Variants in SYTL2 observed in about 807,000 individuals in gnomAD.
SYTL2 encodes synaptotagmin-like protein 2.
In SYTL2, 165 loss-of-function variants were observed where a neutral mutation model predicts 198.7. That is an observed-to-expected ratio of 0.83 (90% CI 0.73 to 0.94). The LOEUF (loss-of-function observed/expected upper bound fraction) is 0.94. Ranked by LOEUF, SYTL2 falls within the 40% of genes least tolerant of loss-of-function variation. SYTL2 has a pLI of 0.00. For missense variants in SYTL2, 2,835 were observed against 2,582.8 expected (o/e 1.10, Z -2.12); for synonymous variants, 966 against 917.7 (o/e 1.05, Z -0.95).
At position 85,755,397 on chromosome 11, in the gene SYTL2, G is replaced by T. The variant is rs144093992; in HGVS notation, c.101+2228C>A. On this transcript the variant is annotated intron_variant, in intron 2 of 19. Transcript: ENST00000359152. Reference sequence around the variant, plus strand: ...TCTTGGGAAAATGATGGTAGGTAGGGCTTGACTCACACCAGGCTTTTCACC... The same window carrying T: ...TCTTGGGAAAATGATGGTAGGTAGGTCTTGACTCACACCAGGCTTTTCACC... Among the ~76,000 whole-genome samples, 667 of 152,272 alleles carry T rather than the reference G, an allele frequency of 4.4e-3. 4 individuals carry two copies. The highest frequency in any genetic ancestry group is 0.014 in the African/African-American group (561 of 41,536).
chr11:85,715,611 C>T (rs2087081706), intron 11 of SYTL2, among the ~76,000 whole-genome samples: 1 of 152,136 alleles, frequency 6.6e-6, no homozygotes. Flanking sequence ...AATTTAGCTA[C>T]ACGTACTAAA....
chr11:85,721,744 C>T (rs996415020), intron 8 of SYTL2, among the ~76,000 whole-genome samples: 2 of 152,244 alleles, frequency 1.3e-5, no homozygotes. Context: ...ACAATAATTT[C>T]CTGAAATACA....
At position 85,725,548 on chromosome 11, in the gene SYTL2, A is replaced by ATG; in HGVS notation, c.3809_3810insCA (p.Pro1271IlefsTer3). 6.2e-7 allele frequency: 1 copy of ATG among 1,614,070 alleles called. No homozygotes were observed. The highest frequency in any genetic ancestry group is 8.5e-7 in the Non-Finnish European group (1 of 1,179,988). The stretch of plus-strand genomic sequence containing the variant: ...TTCCAAAAGTTTCATCTCTCACTGG[A>ATG]AAAGGAGCTAGTATTTCTCTCTTAT... On this transcript the variant is annotated frameshift_variant, in exon 8 of 20. Transcript: ENST00000359152. LOFTEE classifies it high-confidence loss of function.
At chr11:85,733,906 G>A in intron 7 of SYTL2, 33 bp downstream of exon 7, 1 of 1,596,294 alleles carries the variant, frequency 6.3e-7, no homozygotes, top group South Asian at 1.1e-5. Flanking sequence ...GCCCCACCAA[G>A]TTTTTATAAT....
At chr11:85,794,178 ATT>A (rs933533140) in intron 1 of SYTL2, among the ~76,000 whole-genome samples, 1 of 150,768 alleles carries the variant, frequency 6.6e-6, no homozygotes, top group Non-Finnish European at 1.5e-5. Context: ...CCAGATTTAA[ATT>A]TTTTTTTCTT....
chr11:85,717,429 T>TTAA, intron 11 of SYTL2, 54 bp downstream of exon 11: 1 of 1,456,448 alleles, frequency 6.9e-7, no homozygotes. Context: ...TTCAGTATAT[T>TTAA]TAATATGTAA....
At chr11:85,712,824 C>A (rs967653080) in intron 12 of SYTL2, among the ~76,000 whole-genome samples, 2 of 152,132 alleles carry the variant, frequency 1.3e-5, no homozygotes, top group East Asian at 3.9e-4. Flanking sequence ...TCAAGCAATT[C>A]CCCTGCCTTA....
In SYTL2 at chr11:85,757,851, C is replaced by G; in HGVS notation, c.-126G>C. On this transcript the variant is annotated 5_prime_UTR_variant, in exon 2 of 20. Transcript: ENST00000359152. ...TGAAATATCTTGTTCAGTTCTGCAT[C>G]AAAGTCTTATTTTGGCTCAGCAAAA... 7.0e-7 allele frequency: 1 copy of G among 1,422,356 alleles called. No homozygotes were observed. Among genetic ancestry groups the G allele is most frequent in the Non-Finnish European group, 9.5e-7 (1 of 1,053,108 alleles). 88.1% of individuals were successfully genotyped at this position (1,422,356 alleles called of 1,614,324 possible).
Position 85,722,350 on chromosome 11 carries a change from T to A in SYTL2, c.5327-1391A>T, listed in dbSNP as rs185119015. On this transcript the variant is annotated intron_variant, in intron 8 of 19. Coordinates refer to ENST00000359152, the MANE Select transcript of SYTL2 (RefSeq NM_206927.4). ...CACCACGCCCGGCTACTTTATTGTATTTTTTAGTAGAGATGGGGTTTCACC... is the reference window on the plus strand; with the variant it reads ...CACCACGCCCGGCTACTTTATTGTAATTTTTAGTAGAGATGGGGTTTCACC... 3.3e-3 allele frequency among the ~76,000 whole-genome samples: 499 copies of A among 149,702 alleles called. 6 individuals are homozygous for A. The highest frequency in any genetic ancestry group is 0.012 in the African/African-American group (483 of 41,290).
chr11:85,716,025 A>G (rs1030719805), intron 11 of SYTL2, among the ~76,000 whole-genome samples: 2 of 152,180 alleles, frequency 1.3e-5, no homozygotes, highest in African/African-American at 2.4e-5. Context: ...ACTAACAGTC[A>G]TTTTGGAAAA....
chr11:85,781,114 TTA>T (rs1352666878), intron 1 of SYTL2, among the ~76,000 whole-genome samples: 2 of 152,148 alleles, frequency 1.3e-5, no homozygotes, highest in African/African-American at 4.8e-5. Context: ...ACTGGGTAAT[TTA>T]TAAAGGAAAG....
the SYTL2 span, among the ~76,000 whole-genome samples, chr11:85,832,723 G>A: frequency 8.6e-5 from 13 of 151,698 alleles, no homozygotes; most frequent in African/African-American, 3.1e-4. Context: ...TAGTTTAGTG[G>A]TCCATGCTTC....
intron 1 of SYTL2, among the ~76,000 whole-genome samples, chr11:85,792,882 G>C (rs1255411731): frequency 6.6e-6 from 1 of 151,700 alleles, no homozygotes; most frequent in East Asian, 1.9e-4. Flanking sequence ...TGCAGTGTTT[G>C]GGTTTTTGTT....
At chr11:85,817,897 C>CTTTTTTTTTTTTTTTTTTTTTTTTTTT in the SYTL2 span, among the ~76,000 whole-genome samples, 4 of 119,872 alleles carry the variant, frequency 3.3e-5, 2 homozygotes. Flanking sequence ...ACCTTTGTGT[C>CTTTTTTTTTTTTTTTTTTTTTTTTTTT]TTTTCTTTTT....
chr11:85,794,671 T>C (rs764881768), intron 1 of SYTL2, among the ~76,000 whole-genome samples: 2 of 152,208 alleles, frequency 1.3e-5, no homozygotes, highest in Non-Finnish European at 2.9e-5. Context: ...GGGCTTGATT[T>C]CTGCTATTTG....
intron 8 of SYTL2, among the ~76,000 whole-genome samples, chr11:85,721,420 C>T (rs1379868307): frequency 2.6e-5 from 4 of 151,670 alleles, no homozygotes; most frequent in African/African-American, 9.7e-5. Context: ...TTCTCCAGAT[C>T]AAAGGTTGTA....
chr11:85,796,203 T>C (rs1265218606), intron 1 of SYTL2, among the ~76,000 whole-genome samples: 3 of 152,182 alleles, frequency 2.0e-5, no homozygotes, highest in Non-Finnish European at 2.9e-5. Context: ...TCTGGGCAAA[T>C]ATTTAACTTC....
At chr11:85,772,854 C>T (rs2092382535) in intron 1 of SYTL2, among the ~76,000 whole-genome samples, 1 of 152,360 alleles carries the variant, frequency 6.6e-6, no homozygotes, top group Non-Finnish European at 1.5e-5. Context: ...CCCTACCACA[C>T]AGCCTAAAAA....
intron 1 of SYTL2, among the ~76,000 whole-genome samples, chr11:85,771,834 G>T (rs1296085831): frequency 6.6e-6 from 1 of 152,054 alleles, no homozygotes. Flanking sequence ...AATCACCACA[G>T]GGAGCTGATG....
Sources: gnomAD v4.1 joint callset for allele counts (sites outside exome capture counted in the v4.1 genomes callset) on GRCh38, gnomAD v4.1.1 for gene constraint, MANE v1.5 for transcripts, NCBI Gene and HGNC (gene_info 2026-07-23, HGNC 2026-07-21) for gene names.